SULT2B1: variants seen among roughly 807,000 people sequenced by gnomAD.
SULT2B1 encodes the protein sulfotransferase family 2B member 1.
Under a neutral mutation model 33.2 loss-of-function variants are expected in SULT2B1, and 16 were observed. The observed-to-expected ratio is 0.48, with a 90% CI of 0.33 to 0.73. SULT2B1 has a LOEUF of 0.73. SULT2B1 is among the 30% of genes least tolerant of loss of function. The pLI is 0.02. For synonymous variants in SULT2B1, 186 were observed against 200.5 expected (o/e 0.93, Z 0.61); for missense variants, 500 against 506.0 (o/e 0.99, Z 0.11).
At chr19:48,576,375 T>TTTTTTTTTC in intron 2 of SULT2B1, among the ~76,000 whole-genome samples, 1 of 141,832 alleles carries the variant, frequency 7.1e-6, no homozygotes, top group Non-Finnish European at 1.5e-5. Context: ...TTTTTTTTTT[T>TTTTTTTTTC]TTGTAGAGAT....
intron 1 of SULT2B1, among the ~76,000 whole-genome samples, chr19:48,555,463 C>A (rs1335973046): frequency 6.6e-6 from 1 of 151,740 alleles, no homozygotes; most frequent in African/African-American, 2.4e-5. Context: ...TATCTGGCTC[C>A]TTCCATAGGG....
intron 2 of SULT2B1, among the ~76,000 whole-genome samples, chr19:48,581,911 TTATTATTA>T (rs1973496004): frequency 6.7e-6 from 1 of 148,596 alleles, no homozygotes; most frequent in Admixed American, 6.8e-5. Flanking sequence ...ATTATTATTA[TTATTATTA>T]TTAGAGATGA....
rs1297569576 is a variant in SULT2B1, at chr19:48,563,295, T to C, written c.71+10972T>C. 2.0e-5 allele frequency among the ~76,000 whole-genome samples: 3 copies of C among 152,152 alleles called. No individual in the cohort carries two copies. In the East Asian group the frequency reaches 5.8e-4, roughly 29 times the overall value. ...TATCCACTCTGTGACCTAGCAATTC[T>C]GTTCCTAGTTATTTGCCCAAGAGAA... On this transcript the variant is annotated intron_variant, in intron 1 of 6. Transcript: ENST00000201586.
intron 6 of SULT2B1, among the ~76,000 whole-genome samples, chr19:48,597,254 G>A (rs1973731485): frequency 1.3e-5 from 2 of 152,008 alleles, no homozygotes; most frequent in South Asian, 2.1e-4. Context: ...CCTGGGTTAC[G>A]GGGCGCAGGC....
intron 1 of SULT2B1, among the ~76,000 whole-genome samples, chr19:48,564,308 C>T (rs1973217115): frequency 6.6e-6 from 1 of 151,500 alleles, no homozygotes; most frequent in Non-Finnish European, 1.5e-5. Context: ...AACCCCAGCA[C>T]TTTGGGAGGC....
At chr19:48,554,201 C>CT (rs1973064247) in intron 1 of SULT2B1, among the ~76,000 whole-genome samples, 5 of 151,962 alleles carry the variant, frequency 3.3e-5, no homozygotes, top group Admixed American at 3.3e-4. Flanking sequence ...TCCCCCAGGC[C>CT]TGGAAGCGTG....
intron 3 of SULT2B1, among the ~76,000 whole-genome samples, chr19:48,588,969 G>T (rs1005869323): frequency 2.0e-5 from 3 of 152,254 alleles, no homozygotes; most frequent in African/African-American, 7.2e-5. Flanking sequence ...GGCCGCGTGG[G>T]CCCGGTGCGG....
At chr19:48,575,648 T>G in intron 1 of SULT2B1, 4 of 240,810 alleles carry the variant, frequency 1.7e-5, no homozygotes, top group Non-Finnish European at 2.4e-5. Flanking sequence ...GCCTGGCTGA[T>G]TTTTGTCTTT....
chr19:48,596,774 C>A lies in SULT2B1; in HGVS notation c.681C>A (p.Phe227Leu). The change falls in exon 6 of 7, where the codon TTC (phenylalanine) becomes TTA (leucine). Residue 227 changes from phenylalanine (F) to leucine (L), a missense_variant. Phe to Leu is a conservative substitution (Grantham distance 22). Coordinates refer to ENST00000201586, the MANE Select transcript of SULT2B1 (RefSeq NM_177973.2). The part of the protein sequence containing the change: ...LQGSVERICG[F>L]LGRPLGKEAL... The stretch of plus-strand genomic sequence containing the variant: ...GCTCCGTGGAGCGCATCTGTGGGTT[C>A]CTGGGCCGTCCGCTGGGCAAGGAGG... The A allele has an allele frequency of 6.2e-7, 1 of 1,608,288 alleles. No individual in the cohort carries two copies. Among genetic ancestry groups the A allele is most frequent in the Admixed American group, 1.7e-5 (1 of 59,972 alleles).
chr19:48,581,207 ATTT>A (rs35186872), intron 2 of SULT2B1, among the ~76,000 whole-genome samples: 10,948 of 136,210 alleles, frequency 0.08, 1,216 homozygotes, highest in African/African-American at 0.25. Flanking sequence ...TGGTTTTTGC[ATTT>A]TTTTTTTTTT....
In SULT2B1 at chr19:48,573,283, T is replaced by C. The variant is rs554780954; in HGVS notation, c.72-2658T>C. Among the ~76,000 whole-genome samples the C allele has an allele frequency of 3.3e-5, 5 of 152,246 alleles. No individual in the cohort carries two copies. In the East Asian group the frequency reaches 9.6e-4, roughly 29 times the overall value. Reference sequence around the variant, plus strand: ...GCCACCCACCCGGAGGAGCTCTGTCTGCTGTCCCTGTCCCTGGCCTCTCGC... The same window carrying C: ...GCCACCCACCCGGAGGAGCTCTGTCCGCTGTCCCTGTCCCTGGCCTCTCGC... On this transcript the variant is annotated intron_variant, in intron 1 of 6. Transcript: ENST00000201586.
intron 3 of SULT2B1, 134 bp downstream of exon 3, chr19:48,587,571 GCA>G (rs763725170): frequency 4.3e-5 from 43 of 1,001,126 alleles, no homozygotes; most frequent in Non-Finnish European, 6.0e-5. Flanking sequence ...CTCTGATCTA[GCA>G]CAGTGGTCAA....
chr19:48,574,410 C>G (rs3760808), intron 1 of SULT2B1, among the ~76,000 whole-genome samples: 2 of 152,192 alleles, frequency 1.3e-5, no homozygotes, highest in Admixed American at 6.5e-5. Context: ...CCAAGAGGAA[C>G]GGGCAAGATG....
At chr19:48,595,840 T>C (rs1288259528) in intron 5 of SULT2B1, 1 of 151,928 alleles carries the variant, frequency 6.6e-6, no homozygotes, top group East Asian at 1.9e-4. Context: ...CTAATTTTTG[T>C]ATTGTTAGTA....
Position 48,599,093 on chromosome 19 carries a change from T to A in SULT2B1, c.827-42T>A. The A allele has an allele frequency of 6.5e-7, 1 of 1,541,554 alleles. No individual in the cohort carries two copies. Among genetic ancestry groups the A allele is most frequent in the Non-Finnish European group, 8.7e-7 (1 of 1,148,594 alleles). The stretch of plus-strand genomic sequence containing the variant: ...AATGTTGGAGGTAGGGGCGCAGTGC[T>A]CCCCAGAGGCTCCTCACCCCCTGGT... On this transcript the variant is annotated intron_variant, in intron 6 of 6. Coordinates refer to ENST00000201586, the MANE Select transcript of SULT2B1 (RefSeq NM_177973.2). The surrounding 1 kb of genome is among the most constrained non-coding windows in gnomAD (Gnocchi z 4.1).
intron 5 of SULT2B1, among the ~76,000 whole-genome samples, chr19:48,593,054 G>A (rs4801768): frequency 0.04 from 6,047 of 152,264 alleles, 269 homozygotes; most frequent in East Asian, 0.22. Flanking sequence ...AGGCGAGTGG[G>A]AAGGAAGATA....
At chr19:48,574,809 G>C (rs1302653872) in intron 1 of SULT2B1, among the ~76,000 whole-genome samples, 1 of 152,192 alleles carries the variant, frequency 6.6e-6, no homozygotes, top group Non-Finnish European at 1.5e-5. Flanking sequence ...TAATCCTCCT[G>C]AAAACTAATT....
intron 2 of SULT2B1, among the ~76,000 whole-genome samples, chr19:48,586,930 G>A (rs1224941272): frequency 6.6e-6 from 1 of 152,000 alleles, no homozygotes; most frequent in Non-Finnish European, 1.5e-5. Context: ...GGCCAACATG[G>A]GGAGACCTCG....
At chr19:48,595,748 A>G (rs1233717219) in intron 5 of SULT2B1, 2 of 139,708 alleles carry the variant, frequency 1.4e-5, no homozygotes, top group Non-Finnish European at 3.1e-5. Context: ...GCTCACTGCA[A>G]ACTCCACCTC....
Sources: gnomAD v4.1 joint callset for allele counts (sites outside exome capture counted in the v4.1 genomes callset) on GRCh38, gnomAD v4.1.1 for gene constraint, Gnocchi (gnomAD v3.1) non-coding constraint, MANE v1.5 for transcripts, NCBI Gene and HGNC (gene_info 2026-07-23, HGNC 2026-07-21) for gene names.